ITIH5: variants seen among roughly 807,000 people sequenced by gnomAD.
ITIH5 encodes the protein inter-alpha-trypsin inhibitor heavy chain H5.
In ITIH5, 65 loss-of-function variants were observed where a neutral mutation model predicts 77.5. The ratio of observed to expected loss-of-function variants is 0.84; its 90% CI spans 0.69 to 1.03. The LOEUF (loss-of-function observed/expected upper bound fraction) is 1.03. Ranked by LOEUF, ITIH5 falls within the 50% of genes least tolerant of loss-of-function variation. ITIH5 has a pLI of 0.00. For missense variants in ITIH5, 1,208 were observed against 1,213.1 expected (o/e 1.00, Z 0.06); for synonymous variants, 525 against 494.3 (o/e 1.06, Z -0.82).
chr10:7,629,805 C>T lies in ITIH5; in HGVS notation c.652+7423G>A, dbSNP rs559657729. Among the ~76,000 whole-genome samples the T allele has an allele frequency of 1.9e-3, 293 of 152,248 alleles. 1 individual carries two copies. The highest frequency in any genetic ancestry group is 3.3e-3 in the Non-Finnish European group (224 of 68,028). ...CATTTCTGAACAAGTATTTAAGTAC[C>T]TGCTTTCAGTTATTTTGAATATATA... On this transcript the variant is annotated intron_variant, in intron 5 of 13. Coordinates refer to ENST00000397146, the MANE Select transcript of ITIH5 (RefSeq NM_030569.7).
At position 7,656,978 on chromosome 10, in the gene ITIH5, G is replaced by A. The variant is rs1039514390; in HGVS notation, c.91-1303C>T. On this transcript the variant is annotated intron_variant, in intron 1 of 13. Transcript: ENST00000397146. Reference sequence around the variant, plus strand: ...AGGCTGGTCTCGAACTCCTGACCTCGTGATTCACCTGCCTTGGCCTCCCAA... The same window carrying A: ...AGGCTGGTCTCGAACTCCTGACCTCATGATTCACCTGCCTTGGCCTCCCAA... 3.8e-4 allele frequency among the ~76,000 whole-genome samples: 57 copies of A among 149,876 alleles called. 1 individual carries two copies. The Middle Eastern group carries it at 0.014, about 38-fold the overall frequency.
At chr10:7,642,650 A>G (rs1012820537) in intron 2 of ITIH5, among the ~76,000 whole-genome samples, 11 of 152,228 alleles carry the variant, frequency 7.2e-5, no homozygotes, top group African/African-American at 1.2e-4. Context: ...TAGAGAATTT[A>G]GAACCCAGAA....
chr10:7,624,855 G>GTA (rs1244622203), intron 5 of ITIH5, among the ~76,000 whole-genome samples: 1 of 90,424 alleles, frequency 1.1e-5, no homozygotes, highest in Non-Finnish European at 2.0e-5. Context: ...ACATATATAT[G>GTA]TGTATATATG....
At chr10:7,588,249 T>C (rs1216865385) in intron 7 of ITIH5, among the ~76,000 whole-genome samples, 3 of 152,132 alleles carry the variant, frequency 2.0e-5, no homozygotes, top group African/African-American at 4.8e-5. Flanking sequence ...CCAGGCATGG[T>C]GGTGCACACG....
chr10:7,616,689 GT>G (rs1199681588), intron 6 of ITIH5, among the ~76,000 whole-genome samples: 1 of 152,082 alleles, frequency 6.6e-6, no homozygotes, highest in Admixed American at 6.6e-5. Flanking sequence ...TTAGTGGGGC[GT>G]GGTGGTGGGT....
chr10:7,592,149 G>A lies in ITIH5; in HGVS notation c.940-6080C>T, dbSNP rs543775392. On this transcript the variant is annotated intron_variant, in intron 7 of 13. Coordinates refer to ENST00000397146, the MANE Select transcript of ITIH5 (RefSeq NM_030569.7). The stretch of plus-strand genomic sequence containing the variant: ...CTCCCAAAGTGTTGGGATTACAGGC[G>A]TGAGCCACCATGCCCAGACACTTTT... Among the ~76,000 whole-genome samples, 13 of 152,312 alleles carry A rather than the reference G, an allele frequency of 8.5e-5. No homozygotes were observed. The South Asian group carries it at 1.5e-3, about 17-fold the overall frequency.
At chr10:7,660,828 C>T (rs915496960) in intron 1 of ITIH5, among the ~76,000 whole-genome samples, 1 of 152,240 alleles carries the variant, frequency 6.6e-6, no homozygotes, top group Admixed American at 6.5e-5. Flanking sequence ...GACTTAAAGA[C>T]AGATGTAAAG....
chr10:7,564,879 TACAC>T (rs971842209), intron 13 of ITIH5, among the ~76,000 whole-genome samples: 1 of 143,508 alleles, frequency 7.0e-6, no homozygotes, highest in Non-Finnish European at 1.5e-5. Context: ...TGTATATGTA[TACAC>T]ACACACATAC....
chr10:7,621,089 G>C (rs1191193984), intron 5 of ITIH5: 3 of 152,164 alleles, frequency 2.0e-5, no homozygotes, highest in Non-Finnish European at 4.4e-5. Context: ...GGTGATTCCG[G>C]TTTTTGCCCA....
chr10:7,650,759 C>T (rs116103843), intron 2 of ITIH5, among the ~76,000 whole-genome samples: 1,764 of 151,710 alleles, frequency 0.012, 31 homozygotes, highest in African/African-American at 0.04. Flanking sequence ...AAATACAGCC[C>T]ATGTTGTTAT....
chr10:7,560,862 C>T lies in ITIH5; in HGVS notation c.*2221G>A, dbSNP rs1832027911. On this transcript the variant is annotated 3_prime_UTR_variant, in exon 14 of 14. Transcript: ENST00000397146. ...ATGATTCTGGAGGTTCAGTGTAGCC[C>T]TGCATTAAGTATGTTGTATGACTTG... 6.6e-6 allele frequency: 1 copy of T among 152,052 alleles called. No homozygotes were observed. Among genetic ancestry groups the T allele is most frequent in the Admixed American group, 6.6e-5 (1 of 15,266 alleles). 9.4% of individuals were successfully genotyped at this position (152,052 alleles called of 1,614,324 possible).
At chr10:7,591,085 C>A (rs913318997) in intron 7 of ITIH5, among the ~76,000 whole-genome samples, 1 of 152,078 alleles carries the variant, frequency 6.6e-6, no homozygotes, top group Non-Finnish European at 1.5e-5. Context: ...TTAGTAGAGA[C>A]GGGGTTTCAC....
intron 1 of ITIH5, among the ~76,000 whole-genome samples, chr10:7,659,231 T>A (rs1346846034): frequency 6.6e-6 from 1 of 151,832 alleles, no homozygotes; most frequent in East Asian, 1.9e-4. Flanking sequence ...AGACAAAAAT[T>A]AGCTGGGCGT....
intron 1 of ITIH5, among the ~76,000 whole-genome samples, chr10:7,656,715 A>G (rs1352182098): frequency 1.3e-5 from 2 of 151,716 alleles, no homozygotes; most frequent in Non-Finnish European, 2.9e-5. Flanking sequence ...CAAAAACATA[A>G]GAAATATGCC....
At chr10:7,666,776 G>T in intron 1 of ITIH5, 27 bp downstream of exon 1, 1 of 1,587,330 alleles carries the variant, frequency 6.3e-7, no homozygotes, top group Non-Finnish European at 8.6e-7. Context: ...CCGCGCCCGG[G>T]ACCCGGCTCC....
chr10:7,666,759 G>C (rs370285639), intron 1 of ITIH5, 44 bp downstream of exon 1: 2 of 1,534,108 alleles, frequency 1.3e-6, no homozygotes, highest in Admixed American at 1.8e-5. Flanking sequence ...CGGAGGGAAG[G>C]GGGCGGCCGC....
At chr10:7,652,473 C>T (rs1834117814) in intron 2 of ITIH5, among the ~76,000 whole-genome samples, 4 of 152,082 alleles carry the variant, frequency 2.6e-5, no homozygotes, top group South Asian at 2.1e-4. Context: ...GAGAGTGATG[C>T]GCCAGGTCTA....
rs183331026 is a variant in ITIH5, at chr10:7,596,770, A to G, written c.940-10701T>C. Among the ~76,000 whole-genome samples the G allele has an allele frequency of 3.1e-3, 476 of 152,230 alleles. 7 individuals carry two copies. Among genetic ancestry groups the G allele is most frequent in the Non-Finnish European group, 4.1e-3 (281 of 67,998 alleles). On this transcript the variant is annotated intron_variant, in intron 7 of 13. Coordinates refer to ENST00000397146, the MANE Select transcript of ITIH5 (RefSeq NM_030569.7). ...AAATAATCCAGTAAAGGCCGGGTGC[A>G]GTGGCTCATGCCTGTAATCTTTGGG... is the stretch of plus-strand genomic sequence containing the variant.
rs185185286 is a variant in ITIH5, at chr10:7,559,954, C to A, written c.*3129G>T. 3.7e-3 allele frequency: 1,576 copies of A among 420,688 alleles called. 23 individuals carry two copies. Among genetic ancestry groups the A allele is most frequent in the African/African-American group, 0.031 (1,461 of 47,766 alleles). The allele number at this position is 420,688 out of a possible 1,614,324, so 26.1% of individuals were successfully genotyped here. A position where few individuals can be genotyped will look rare whatever the true frequency, so the allele number is the denominator to read the frequency against. ...ACAAGTTCCGACTGCCTGGTTCAAG[C>A]GATTCTCCTGCCTCAGCCTCCCAAG... On this transcript the variant is annotated 3_prime_UTR_variant, in exon 14 of 14. Coordinates refer to ENST00000397146, the MANE Select transcript of ITIH5 (RefSeq NM_030569.7).
Sources: gnomAD v4.1 joint callset for allele counts (sites outside exome capture counted in the v4.1 genomes callset) on GRCh38, gnomAD v4.1.1 for gene constraint, MANE v1.5 for transcripts, NCBI Gene and HGNC (gene_info 2026-07-23, HGNC 2026-07-21) for gene names.